Variants in SORCS2 observed in about 807,000 individuals in gnomAD.
SORCS2 encodes sortilin related VPS10 domain containing receptor 2.
SORCS2 carries 100 observed loss-of-function variants against 141.6 expected under a neutral mutation model. That is an observed-to-expected ratio of 0.71 (90% CI 0.60 to 0.83). The LOEUF is 0.83. SORCS2 is among the 40% of genes least tolerant of loss of function. The pLI is 0.00. For synonymous variants in SORCS2, 789 were observed against 676.9 expected, an observed-to-expected ratio of 1.17 and a Z score of -2.57; for missense variants, 1,646 against 1,560.2, an observed-to-expected ratio of 1.05 and a Z score of -0.93.
At chr4:7,587,490 A>G (rs1265294147) in intron 3 of SORCS2, among the ~76,000 whole-genome samples, 1 of 152,236 alleles carries the variant, frequency 6.6e-6, no homozygotes, top group African/African-American at 2.4e-5. Context: ...GGAGACTGTC[A>G]TCAGGGTTGG....
rs573228230 is a variant in SORCS2, at chr4:7,298,260, G to C, written c.481-98028G>C. 3.0e-4 allele frequency among the ~76,000 whole-genome samples: 45 copies of C among 152,324 alleles called. No individual in the cohort carries two copies. The South Asian group carries it at 9.3e-3, about 32-fold the overall frequency. Reference sequence around the variant, plus strand: ...TGGGGACATCCGTTTGTACTCTCCAGGGCTCTGCACATATGAGGGCAAGGC... The same window carrying C: ...TGGGGACATCCGTTTGTACTCTCCACGGCTCTGCACATATGAGGGCAAGGC... On this transcript the variant is annotated intron_variant, in intron 1 of 26. Coordinates refer to ENST00000507866, the MANE Select transcript of SORCS2 (RefSeq NM_020777.3).
chr4:7,264,964 C>T (rs1484319297), intron 1 of SORCS2, among the ~76,000 whole-genome samples: 1 of 152,254 alleles, frequency 6.6e-6, no homozygotes. Flanking sequence ...CCTGGCCGCT[C>T]CTCCAGCATT....
intron 1 of SORCS2, among the ~76,000 whole-genome samples, chr4:7,262,379 C>CATCT: frequency 1.4e-4 from 1 of 7,074 alleles, no homozygotes; most frequent in Non-Finnish European, 3.5e-4. Context: ...TCCATCTATC[C>CATCT]ATCCATCCAT....
At chr4:7,380,713 T>C in intron 1 of SORCS2, among the ~76,000 whole-genome samples, 1 of 152,382 alleles carries the variant, frequency 6.6e-6, no homozygotes, top group Non-Finnish European at 1.5e-5. Flanking sequence ...TGTTTATTTT[T>C]GTAGTTACCT....
rs78386528 is a variant in SORCS2, at chr4:7,551,067, G to A, written c.648+19438G>A. 5.8e-3 allele frequency among the ~76,000 whole-genome samples: 886 copies of A among 152,312 alleles called. 6 individuals are homozygous for A. The highest frequency in any genetic ancestry group is 0.016 in the African/African-American group (648 of 41,566). ...CCTGCTCTGGATTTGTCCAGGGAAGGCCACTTTGTTCCTAGAAGTTCTGCC... is the reference window on the plus strand; with the variant it reads ...CCTGCTCTGGATTTGTCCAGGGAAGACCACTTTGTTCCTAGAAGTTCTGCC... On this transcript the variant is annotated intron_variant, in intron 3 of 26. Coordinates refer to ENST00000507866, the MANE Select transcript of SORCS2 (RefSeq NM_020777.3).
intron 1 of SORCS2, among the ~76,000 whole-genome samples, chr4:7,380,031 G>A (rs1157240092): frequency 6.6e-6 from 1 of 152,224 alleles, no homozygotes. Flanking sequence ...AGGCTTGGAA[G>A]AGCCACGGGT....
chr4:7,644,241 A>G (rs760374452), intron 4 of SORCS2, among the ~76,000 whole-genome samples: 19 of 152,312 alleles, frequency 1.2e-4, no homozygotes, highest in Admixed American at 4.6e-4. Context: ...ATCAAGCTCA[A>G]AAACATGTGG....
At chr4:7,700,742 G>A (rs1181259037) in intron 12 of SORCS2, among the ~76,000 whole-genome samples, 1 of 152,176 alleles carries the variant, frequency 6.6e-6, no homozygotes, top group African/African-American at 2.4e-5. Context: ...ACCTCGGAGG[G>A]AGCACAGAGC....
intron 5 of SORCS2, among the ~76,000 whole-genome samples, chr4:7,658,809 G>A (rs535169856): frequency 2.2e-4 from 33 of 152,320 alleles, no homozygotes; most frequent in South Asian, 8.3e-4. Context: ...GTTGGGAACC[G>A]AACGGGGCCA....
At chr4:7,270,978 G>A (rs772522599) in intron 1 of SORCS2, among the ~76,000 whole-genome samples, 182 of 152,346 alleles carry the variant, frequency 1.2e-3, no homozygotes, top group Non-Finnish European at 2.2e-3. Flanking sequence ...TGATGCTGCT[G>A]TATGCACTGG....
At chr4:7,590,168 A>G (rs1230790466) in intron 3 of SORCS2, among the ~76,000 whole-genome samples, 1 of 152,200 alleles carries the variant, frequency 6.6e-6, no homozygotes, top group East Asian at 1.9e-4. Flanking sequence ...TTGTTTATGA[A>G]GAAGAAACAG....
intron 1 of SORCS2, among the ~76,000 whole-genome samples, chr4:7,369,288 G>A (rs1051255452): frequency 6.6e-6 from 1 of 152,198 alleles, no homozygotes; most frequent in African/African-American, 2.4e-5. Flanking sequence ...TCCAGCCTGA[G>A]CAACAGAGCC....
At chr4:7,573,039 G>T (rs552604461) in intron 3 of SORCS2, among the ~76,000 whole-genome samples, 1 of 152,342 alleles carries the variant, frequency 6.6e-6, no homozygotes, top group African/African-American at 2.4e-5. Context: ...TGTTGATCTT[G>T]AATGGACAAG....
At chr4:7,484,490 C>G (rs1241386083) in intron 2 of SORCS2, among the ~76,000 whole-genome samples, 1 of 152,092 alleles carries the variant, frequency 6.6e-6, no homozygotes, top group Non-Finnish European at 1.5e-5. Context: ...AAGCCAGTCT[C>G]TAGCAAGATT....
At chr4:7,535,747 G>A (rs557209505) in intron 3 of SORCS2, among the ~76,000 whole-genome samples, 13 of 152,348 alleles carry the variant, frequency 8.5e-5, no homozygotes, top group African/African-American at 2.4e-4. Flanking sequence ...GGCCCCAGTG[G>A]GCTGTGTCTG....
chr4:7,365,410 G>A (rs1237001964), intron 1 of SORCS2, among the ~76,000 whole-genome samples: 2 of 152,156 alleles, frequency 1.3e-5, no homozygotes, highest in African/African-American at 4.8e-5. Context: ...GGGGCACCAG[G>A]AGGGTTGGGG....
chr4:7,388,268 C>A (rs1466783551), intron 1 of SORCS2, among the ~76,000 whole-genome samples: 1 of 152,164 alleles, frequency 6.6e-6, no homozygotes, highest in East Asian at 1.9e-4. Flanking sequence ...ACAAACAAAA[C>A]CCCAATGACA....
At chr4:7,463,975 C>A (rs1375073222) in intron 2 of SORCS2, among the ~76,000 whole-genome samples, 1 of 152,162 alleles carries the variant, frequency 6.6e-6, no homozygotes, top group African/African-American at 2.4e-5. Flanking sequence ...AGAATTGGCA[C>A]GAGTGGCTCC....
intron 25 of SORCS2, 70 bp from the exon 26 acceptor site, chr4:7,736,999 C>T (rs1361782787): frequency 6.0e-5 from 92 of 1,533,366 alleles, no homozygotes; most frequent in Non-Finnish European, 7.6e-5. Context: ...AGGCGGCCAG[C>T]GGAAGGCTCC....
Sources: allele counts gnomAD v4.1 joint callset (sites outside exome capture counted in the v4.1 genomes callset), GRCh38; gene constraint gnomAD v4.1.1; transcripts MANE v1.5; gene names NCBI Gene and HGNC (gene_info 2026-07-23, HGNC 2026-07-21).